The following WWOX variants were observed in gnomAD, a reference collection of about 807,000 sequenced individuals.
WWOX encodes WW domain containing oxidoreductase.
In WWOX, 69 loss-of-function variants were observed where a neutral mutation model predicts 46.2. That is an observed-to-expected ratio of 1.49 (90% CI 1.23 to 1.82). The LOEUF is 1.82. Among genes scored for constraint, WWOX ranks in the 40% most tolerant of loss-of-function variants. WWOX has a pLI of 0.00. For synonymous variants in WWOX, 359 were observed against 202.6 expected, an observed-to-expected ratio of 1.77 and a Z score of -6.56; for missense variants, 919 against 542.6, an observed-to-expected ratio of 1.69 and a Z score of -6.89.
Position 79,094,853 on chromosome 16 carries a change from G to C in WWOX, c.1057-116755G>C, listed in dbSNP as rs141598032. Among the ~76,000 whole-genome samples the C allele has an allele frequency of 6.8e-4, 104 of 152,228 alleles. 3 individuals carry two copies. The East Asian group carries it at 0.018, about 26-fold the overall frequency. On this transcript the variant is annotated intron_variant, in intron 8 of 8. Transcript: ENST00000566780. Reference sequence around the variant, plus strand: ...GAGCCCAATATTTATTGAGCCAACAGGTTTACACTGTGTCTACCCCAGAGT... The same window carrying C: ...GAGCCCAATATTTATTGAGCCAACACGTTTACACTGTGTCTACCCCAGAGT...
intron 5 of WWOX, among the ~76,000 whole-genome samples, chr16:78,200,779 G>C (rs557883340): frequency 6.6e-6 from 1 of 152,156 alleles, no homozygotes; most frequent in South Asian, 2.1e-4. Context: ...ATATGTGCTG[G>C]ACCCTGGGTG....
At chr16:78,895,075 A>T (rs770215824) in intron 8 of WWOX, among the ~76,000 whole-genome samples, 2 of 152,138 alleles carry the variant, frequency 1.3e-5, no homozygotes, top group South Asian at 2.1e-4. Flanking sequence ...AACAAACACA[A>T]TGGTTTCTGC....
chr16:78,353,575 G>C (rs984612876), intron 5 of WWOX, among the ~76,000 whole-genome samples: 1 of 152,148 alleles, frequency 6.6e-6, no homozygotes, highest in Non-Finnish European at 1.5e-5. Context: ...CTATATTCTT[G>C]GTATTCACCA....
chr16:78,558,016 C>T (rs2151553371), intron 8 of WWOX, among the ~76,000 whole-genome samples: 1 of 152,210 alleles, frequency 6.6e-6, no homozygotes, highest in South Asian at 2.1e-4. Flanking sequence ...GAGCCTGGAA[C>T]AGTGCCAAGC....
At chr16:78,459,398 G>A (rs1340588776) in intron 8 of WWOX, among the ~76,000 whole-genome samples, 1 of 152,174 alleles carries the variant, frequency 6.6e-6, no homozygotes, top group East Asian at 1.9e-4. Flanking sequence ...GCCTACAAGT[G>A]GAGCGTGATT....
intron 8 of WWOX, among the ~76,000 whole-genome samples, chr16:78,857,636 T>A (rs1323679242): frequency 6.6e-6 from 1 of 152,244 alleles, no homozygotes; most frequent in African/African-American, 2.4e-5. Context: ...ATTGACTATC[T>A]TGTCATTTCA....
intron 8 of WWOX, among the ~76,000 whole-genome samples, chr16:79,200,443 T>A (rs536721596): frequency 6.6e-6 from 1 of 152,158 alleles, no homozygotes; most frequent in Non-Finnish European, 1.5e-5. Context: ...AGACCTCAGT[T>A]TGAATCTGAG....
chr16:78,733,190 C>G (rs1033807559), intron 8 of WWOX, among the ~76,000 whole-genome samples: 4 of 152,110 alleles, frequency 2.6e-5, no homozygotes, highest in African/African-American at 9.7e-5. Context: ...TTCTATAATA[C>G]TAAAGTAAAT....
intron 8 of WWOX, among the ~76,000 whole-genome samples, chr16:78,687,844 T>C (rs1176535598): frequency 2.6e-5 from 4 of 152,214 alleles, no homozygotes; most frequent in Non-Finnish European, 5.9e-5. Context: ...GTAGGCGTTT[T>C]TAAATTCATG....
chr16:78,351,524 G>C (rs2081183598), intron 5 of WWOX, among the ~76,000 whole-genome samples: 1 of 152,168 alleles, frequency 6.6e-6, no homozygotes, highest in African/African-American at 2.4e-5. Context: ...GGAATGTTCA[G>C]GAAGCAGGCT....
chr16:79,212,057 T>TGGTTG lies in WWOX; in HGVS notation c.*262_*263insGTTGG, dbSNP rs2051780050. On this transcript the variant is annotated 3_prime_UTR_variant, in exon 9 of 9. Coordinates refer to ENST00000566780, the MANE Select transcript of WWOX (RefSeq NM_016373.4). ...GGTGGCCTGTTTGAAAGTAAAAACCTGCTTGGTGTGTAGGTTCCGTATCTC... is the reference window on the plus strand; with the variant it reads ...GGTGGCCTGTTTGAAAGTAAAAACCTGGTTGGCTTGGTGTGTAGGTTCCGTATCTC... The TGGTTG allele has an allele frequency of 7.8e-6, 12 of 1,536,310 alleles. No homozygotes were observed. The highest frequency in any genetic ancestry group is 9.6e-6 in the Non-Finnish European group (11 of 1,146,944).
chr16:78,762,331 G>A, intron 8 of WWOX, among the ~76,000 whole-genome samples: 1 of 152,174 alleles, frequency 6.6e-6, no homozygotes, highest in East Asian at 1.9e-4. Context: ...TGGAGGTACA[G>A]AATCTCAGGC....
intron 8 of WWOX, among the ~76,000 whole-genome samples, chr16:78,925,625 G>A (rs76737987): frequency 0.017 from 2,546 of 152,248 alleles, 63 homozygotes; most frequent in South Asian, 0.053. Context: ...TTTCTGCTTC[G>A]TCAAACTGTA....
At chr16:79,191,265 A>G (rs973315906) in intron 8 of WWOX, among the ~76,000 whole-genome samples, 1 of 151,958 alleles carries the variant, frequency 6.6e-6, no homozygotes, top group African/African-American at 2.4e-5. Context: ...CGTGTTGCCC[A>G]GGCTGGTCTC....
chr16:78,984,093 T>G (rs920452063), intron 8 of WWOX, among the ~76,000 whole-genome samples: 2 of 152,086 alleles, frequency 1.3e-5, no homozygotes, highest in Admixed American at 1.3e-4. Context: ...TTAGCCAGGA[T>G]GGTCTCGATC....
intron 8 of WWOX, chr16:78,553,335 G>A (rs935065268): frequency 1.3e-5 from 2 of 152,262 alleles, no homozygotes; most frequent in African/African-American, 4.8e-5. Context: ...AAGGGGCCAG[G>A]CAGGGTAAGC....
chr16:78,981,165 C>A (rs1198175432), intron 8 of WWOX, among the ~76,000 whole-genome samples: 2 of 152,174 alleles, frequency 1.3e-5, no homozygotes, highest in Admixed American at 1.3e-4. Context: ...CAGCACTTTC[C>A]TAAACTCTGC....
chr16:79,147,417 G>A (rs1438462184), intron 8 of WWOX, among the ~76,000 whole-genome samples: 9 of 152,190 alleles, frequency 5.9e-5, no homozygotes, highest in Non-Finnish European at 1.3e-4. Flanking sequence ...CCCAGTTGTT[G>A]CACGTGTCGG....
chr16:78,931,706 C>T (rs2045627606), intron 8 of WWOX, among the ~76,000 whole-genome samples: 2 of 152,186 alleles, frequency 1.3e-5, no homozygotes, highest in South Asian at 4.1e-4. Flanking sequence ...TTAGTATTTT[C>T]CAACTGTTCA....
Sources: gnomAD v4.1 joint callset for allele counts (sites outside exome capture counted in the v4.1 genomes callset) on GRCh38, gnomAD v4.1.1 for gene constraint, MANE v1.5 for transcripts, NCBI Gene and HGNC (gene_info 2026-07-23, HGNC 2026-07-21) for gene names.